Variants in CACNA2D3 observed in about 807,000 individuals in gnomAD.
CACNA2D3 encodes the protein calcium voltage-gated channel auxiliary subunit alpha2delta 3.
Under a neutral mutation model 160.6 loss-of-function variants are expected in CACNA2D3, and 60 were observed. That is an observed-to-expected ratio of 0.37 (90% confidence interval 0.30 to 0.46). The LOEUF is 0.46. Among genes scored for constraint, CACNA2D3 ranks in the 20% least tolerant of loss-of-function variants. CACNA2D3 has a pLI of 1.00. For missense variants in CACNA2D3, 1,205 were observed against 1,365.0 expected, an observed-to-expected ratio of 0.88 and a Z score of 1.85; for synonymous variants, 558 against 492.9, an observed-to-expected ratio of 1.13 and a Z score of -1.75.
At chr3:54,139,336 C>T (rs1010704324) in intron 2 of CACNA2D3, among the ~76,000 whole-genome samples, 21 of 152,358 alleles carry the variant, frequency 1.4e-4, no homozygotes, top group South Asian at 4.1e-4. Flanking sequence ...GTCCCCACCT[C>T]GGGGTGCTGT....
At chr3:54,601,199 G>C (rs1057302030) in intron 9 of CACNA2D3, among the ~76,000 whole-genome samples, 3 of 152,068 alleles carry the variant, frequency 2.0e-5, no homozygotes, top group Non-Finnish European at 4.4e-5. Flanking sequence ...AGACAACATT[G>C]TTTTGTTTTG....
In CACNA2D3 at chr3:54,665,535, T is replaced by G. The variant is rs565443205; in HGVS notation, c.1167+23294T>G. Among the ~76,000 whole-genome samples the G allele has an allele frequency of 1.5e-4, 4 of 25,878 alleles. No individual in the cohort carries two copies. The South Asian group carries it at 2.8e-3, about 18-fold the overall frequency. 17.0% of individuals were successfully genotyped at this position (25,878 alleles called of 152,430 possible). ...TTTCCATTAAGAAAATCAGTTTTCC[T>G]CAGCTCCATATACTACTGTGTAAAT... On this transcript the variant is annotated intron_variant, in intron 11 of 37. Coordinates refer to ENST00000474759, the MANE Select transcript of CACNA2D3 (RefSeq NM_018398.3).
intron 25 of CACNA2D3, among the ~76,000 whole-genome samples, chr3:54,895,013 CTT>C (rs1239671402): frequency 1.3e-5 from 2 of 151,882 alleles, no homozygotes; most frequent in African/African-American, 4.8e-5. Flanking sequence ...CTTTTAAACA[CTT>C]TTAATTTCTG....
At chr3:54,626,952 G>A (rs879468546) in intron 9 of CACNA2D3, among the ~76,000 whole-genome samples, 1 of 152,158 alleles carries the variant, frequency 6.6e-6, no homozygotes, top group African/African-American at 2.4e-5. Flanking sequence ...CTAATGCTGA[G>A]CTTCTGCAGA....
intron 27 of CACNA2D3, among the ~76,000 whole-genome samples, chr3:54,938,907 T>C (rs1445577142): frequency 6.6e-6 from 1 of 152,060 alleles, no homozygotes; most frequent in East Asian, 1.9e-4. Flanking sequence ...GCTGTCCCGC[T>C]GAAGCTGTCC....
chr3:54,947,309 G>C (rs1701640734), intron 27 of CACNA2D3, among the ~76,000 whole-genome samples: 1 of 152,218 alleles, frequency 6.6e-6, no homozygotes, highest in Admixed American at 6.5e-5. Context: ...AGAAGAAAAG[G>C]GTGGAATAAT....
At chr3:54,926,604 A>G (rs191816037) in intron 27 of CACNA2D3, among the ~76,000 whole-genome samples, 2 of 152,134 alleles carry the variant, frequency 1.3e-5, no homozygotes, top group East Asian at 3.9e-4. Flanking sequence ...AATCATCAAT[A>G]TGTCTCATTC....
intron 2 of CACNA2D3, among the ~76,000 whole-genome samples, chr3:54,262,904 C>T (rs1260984394): frequency 1.3e-5 from 2 of 152,114 alleles, no homozygotes; most frequent in African/African-American, 4.8e-5. Context: ...TAAATTTTTA[C>T]TAATTATTTA....
chr3:54,921,577 G>C (rs1265220678), intron 27 of CACNA2D3, among the ~76,000 whole-genome samples: 1 of 152,088 alleles, frequency 6.6e-6, no homozygotes, highest in Non-Finnish European at 1.5e-5. Flanking sequence ...TGGTCTATTT[G>C]AGGCCATGTG....
At chr3:54,465,789 A>T (rs60912862) in intron 4 of CACNA2D3, among the ~76,000 whole-genome samples, 36 of 152,246 alleles carry the variant, frequency 2.4e-4, no homozygotes, top group African/African-American at 7.2e-4. Context: ...CTGATTCATT[A>T]TTTCCCAATT....
chr3:54,301,306 A>AG (rs1703472429), intron 2 of CACNA2D3, among the ~76,000 whole-genome samples: 1 of 151,520 alleles, frequency 6.6e-6, no homozygotes, highest in South Asian at 2.1e-4. Flanking sequence ...AAGACAGAAA[A>AG]AAAAAAAAGA....
intron 11 of CACNA2D3, among the ~76,000 whole-genome samples, chr3:54,647,217 C>T (rs1182861207): frequency 2.0e-5 from 3 of 152,116 alleles, no homozygotes; most frequent in Non-Finnish European, 4.4e-5. Context: ...CCCACAAAAA[C>T]TGTGAGATAA....
intron 11 of CACNA2D3, among the ~76,000 whole-genome samples, chr3:54,740,857 G>A (rs1348597502): frequency 6.6e-6 from 1 of 152,160 alleles, no homozygotes; most frequent in Non-Finnish European, 1.5e-5. Context: ...ACAGCTGTTG[G>A]TTTTAATGAG....
At chr3:54,566,255 C>T (rs1223760821) in intron 6 of CACNA2D3, among the ~76,000 whole-genome samples, 1 of 152,216 alleles carries the variant, frequency 6.6e-6, no homozygotes, top group African/African-American at 2.4e-5. Context: ...CCTTTCCACC[C>T]CACTGCCCAC....
At chr3:55,008,836 A>C (rs1008176881) in intron 33 of CACNA2D3, among the ~76,000 whole-genome samples, 6 of 150,852 alleles carry the variant, frequency 4.0e-5, no homozygotes, top group African/African-American at 1.5e-4. Context: ...ATTTTTATGA[A>C]GTTCCATTGT....
At chr3:54,322,106 G>A (rs1256231793) in intron 3 of CACNA2D3, among the ~76,000 whole-genome samples, 6 of 152,222 alleles carry the variant, frequency 3.9e-5, no homozygotes, top group Non-Finnish European at 5.9e-5. Context: ...AGCATTGGGA[G>A]TGGAAGGAGG....
Position 54,859,972 on chromosome 3 carries a change from G to GCGCGCGCGCA in CACNA2D3, c.1627-11566_1627-11565insGCGCGCGCAC, listed in dbSNP as rs535185040. 2.2e-3 allele frequency among the ~76,000 whole-genome samples: 301 copies of GCGCGCGCGCA among 133,884 alleles called. 1 individual carries two copies. The highest frequency in any genetic ancestry group is 8.0e-3 in the African/African-American group (289 of 35,946). The allele number at this position is 133,884 out of a possible 152,430, so 87.8% of individuals were successfully genotyped here. ...TTAGAACATCATCTGGAAAGTAGAT[G>GCGCGCGCGCA]CACACACACACACACACACACACAC... On this transcript the variant is annotated intron_variant, in intron 17 of 37. Coordinates refer to ENST00000474759, the MANE Select transcript of CACNA2D3 (RefSeq NM_018398.3).
At chr3:54,409,201 TTGTGTC>T (rs1405668697) in intron 4 of CACNA2D3, among the ~76,000 whole-genome samples, 1 of 152,212 alleles carries the variant, frequency 6.6e-6, no homozygotes, top group Non-Finnish European at 1.5e-5. Flanking sequence ...CGTCATGTCT[TTGTGTC>T]ACACTTTGGT....
intron 5 of CACNA2D3, among the ~76,000 whole-genome samples, chr3:54,540,391 A>G (rs114800245): frequency 0.018 from 2,692 of 152,324 alleles, 33 homozygotes; most frequent in Non-Finnish European, 0.027. Context: ...ATATAAAGCT[A>G]AATATAATTT....
Sources: gnomAD v4.1 joint callset for allele counts (sites outside exome capture counted in the v4.1 genomes callset) on GRCh38, gnomAD v4.1.1 for gene constraint, MANE v1.5 for transcripts, NCBI Gene and HGNC (gene_info 2026-07-23, HGNC 2026-07-21) for gene names.